The following HMGCLL1 variants were observed in gnomAD, a reference collection of about 807,000 sequenced individuals.
HMGCLL1 encodes 3-hydroxymethyl-3-methylglutaryl-CoA lyase, cytoplasmic.
HMGCLL1 carries 36 observed loss-of-function variants against 39.1 expected under a neutral mutation model. The observed-to-expected ratio is 0.92, with a 90% CI of 0.71 to 1.22. HMGCLL1 has a LOEUF of 1.22. HMGCLL1 is among the 50% of genes most tolerant of loss of function. HMGCLL1 has a pLI of 0.00. For missense variants in HMGCLL1, 451 were observed against 416.5 expected, an observed-to-expected ratio of 1.08 and a Z score of -0.72; for synonymous variants, 149 against 144.0, an observed-to-expected ratio of 1.03 and a Z score of -0.25.
chr6:55,640,003 G>A, the HMGCLL1 span, among the ~76,000 whole-genome samples: 4 of 151,978 alleles, frequency 2.6e-5, no homozygotes, highest in Non-Finnish European at 4.4e-5. Context: ...GCTTGAACTC[G>A]GGAGGCGGAG....
intron 7 of HMGCLL1, among the ~76,000 whole-genome samples, chr6:55,455,366 T>A (rs74296555): frequency 2.1e-5 from 2 of 95,702 alleles, no homozygotes; most frequent in East Asian, 6.0e-4. Context: ...TATAAAATAA[T>A]TTTTTTTTTC....
the HMGCLL1 span, among the ~76,000 whole-genome samples, chr6:55,624,834 G>A: frequency 3.3e-5 from 5 of 152,124 alleles, no homozygotes; most frequent in African/African-American, 1.2e-4. Context: ...ACAATGCCTA[G>A]TGGGCTTATT....
At chr6:55,641,607 T>C in the HMGCLL1 span, among the ~76,000 whole-genome samples, 1 of 151,980 alleles carries the variant, frequency 6.6e-6, no homozygotes, top group Admixed American at 6.6e-5. Flanking sequence ...AGGAAAACAG[T>C]AGGGAAAACA....
At position 55,442,326 on chromosome 6, in the gene HMGCLL1, T is replaced by A. The variant is rs1340176979; in HGVS notation, c.796-2767A>T. Among the ~76,000 whole-genome samples the A allele has an allele frequency of 3.9e-5, 6 of 152,224 alleles. No individual in the cohort carries two copies. The East Asian group carries it at 1.2e-3, about 29-fold the overall frequency. Reference sequence around the variant, plus strand: ...TCTCATTTATTTACTTATTCTAACATGTATTTATATTAGGGAGGACTCATA... The same window carrying A: ...TCTCATTTATTTACTTATTCTAACAAGTATTTATATTAGGGAGGACTCATA... On this transcript the variant is annotated intron_variant, in intron 7 of 8. Transcript: ENST00000274901.
chr6:55,635,464 A>G, the HMGCLL1 span, among the ~76,000 whole-genome samples: 1 of 152,154 alleles, frequency 6.6e-6, no homozygotes, highest in Admixed American at 6.6e-5. Flanking sequence ...TTAATGGAAT[A>G]TACCACCTAC....
At chr6:55,675,524 T>C in the HMGCLL1 span, among the ~76,000 whole-genome samples, 8 of 152,270 alleles carry the variant, frequency 5.3e-5, no homozygotes, top group South Asian at 1.7e-3. Flanking sequence ...TTGATTCTTT[T>C]CTAAAGGATG....
chr6:55,577,339 T>C (rs1224281482), intron 1 of HMGCLL1, among the ~76,000 whole-genome samples: 1 of 108,398 alleles, frequency 9.2e-6, no homozygotes, highest in Non-Finnish European at 2.2e-5. Flanking sequence ...AGCAAAGGGC[T>C]GGACTAAAAA....
chr6:55,458,864 A>G (rs1764437914), intron 7 of HMGCLL1, among the ~76,000 whole-genome samples: 1 of 152,176 alleles, frequency 6.6e-6, no homozygotes, highest in South Asian at 2.1e-4. Context: ...AACCACATGT[A>G]CTAGGGAGTA....
At chr6:55,637,458 T>C in the HMGCLL1 span, among the ~76,000 whole-genome samples, 38 of 152,134 alleles carry the variant, frequency 2.5e-4, no homozygotes, top group Non-Finnish European at 1.5e-5. Context: ...TTGGGATTTA[T>C]TTGCTTTCTT....
chr6:55,594,210 C>T, the HMGCLL1 span, among the ~76,000 whole-genome samples: 4 of 152,042 alleles, frequency 2.6e-5, no homozygotes, highest in South Asian at 6.2e-4. Flanking sequence ...CTGAATTATT[C>T]CTTAAACAGT....
At chr6:55,668,043 T>A in the HMGCLL1 span, among the ~76,000 whole-genome samples, 1 of 151,904 alleles carries the variant, frequency 6.6e-6, no homozygotes, top group Non-Finnish European at 1.5e-5. Context: ...TGGCACACTG[T>A]CACTGTTAAA....
intron 3 of HMGCLL1, among the ~76,000 whole-genome samples, chr6:55,531,860 C>A (rs1179440595): frequency 6.6e-6 from 1 of 152,144 alleles, no homozygotes; most frequent in Non-Finnish European, 1.5e-5. Flanking sequence ...TTATCATCCC[C>A]ATATGGGACT....
At position 55,566,447 on chromosome 6, in the gene HMGCLL1, A is replaced by C. The variant is rs113755409; in HGVS notation, c.108+12501T>G. ...CATCTGTATTTCTCTACTTCACAAAATCAAGGAAGCGTGACTTGGAAAGTT... is the reference window on the plus strand; with the variant it reads ...CATCTGTATTTCTCTACTTCACAAACTCAAGGAAGCGTGACTTGGAAAGTT... On this transcript the variant is annotated intron_variant, in intron 1 of 8. Coordinates refer to ENST00000274901, the MANE Select transcript of HMGCLL1 (RefSeq NM_001042406.2). The C allele has an allele frequency of 3.4e-3, 982 of 288,638 alleles. 9 individuals are homozygous for C. The highest frequency in any genetic ancestry group is 0.019 in the African/African-American group (886 of 45,978). The allele number at this position is 288,638 out of a possible 1,614,324, so 17.9% of individuals were successfully genotyped here.
the HMGCLL1 span, among the ~76,000 whole-genome samples, chr6:55,610,443 A>T: frequency 1.4e-4 from 22 of 152,126 alleles, no homozygotes; most frequent in Admixed American, 4.6e-4. Context: ...CAGAGCTTGA[A>T]GACTATCTTG....
At chr6:55,529,583 C>T (rs1440823178) in intron 3 of HMGCLL1, among the ~76,000 whole-genome samples, 1 of 152,022 alleles carries the variant, frequency 6.6e-6, no homozygotes, top group Non-Finnish European at 1.5e-5. Flanking sequence ...CGGAGATCTC[C>T]GTTTTGATAT....
chr6:55,618,479 CAGAG>C, the HMGCLL1 span, among the ~76,000 whole-genome samples: 1 of 151,754 alleles, frequency 6.6e-6, no homozygotes, highest in Non-Finnish European at 1.5e-5. Flanking sequence ...ATAAACATGT[CAGAG>C]AGAACAAATA....
At chr6:55,600,250 T>A in the HMGCLL1 span, among the ~76,000 whole-genome samples, 1 of 152,142 alleles carries the variant, frequency 6.6e-6, no homozygotes, top group African/African-American at 2.4e-5. Flanking sequence ...TTTAGCAAAA[T>A]AATTATGCAA....
chr6:55,570,655 C>A (rs1239558416), intron 1 of HMGCLL1, among the ~76,000 whole-genome samples: 1 of 152,128 alleles, frequency 6.6e-6, no homozygotes, highest in East Asian at 1.9e-4. Context: ...GACCTTCCAT[C>A]CAATATTTGG....
chr6:55,580,626 A>G (rs180784132), upstream of HMGCLL1, among the ~76,000 whole-genome samples: 421 of 152,042 alleles, frequency 2.8e-3, no homozygotes, highest in Non-Finnish European at 4.4e-3. Flanking sequence ...CGCGTTAGCC[A>G]GGATGGTCTC....
Sources: allele counts gnomAD v4.1 joint callset (sites outside exome capture counted in the v4.1 genomes callset), GRCh38; gene constraint gnomAD v4.1.1; transcripts MANE v1.5; gene names NCBI Gene and HGNC (gene_info 2026-07-23, HGNC 2026-07-21).